The following NREP variants were observed in gnomAD, a reference collection of about 807,000 sequenced individuals.
NREP encodes neuronal regeneration-related protein.
NREP carries 5 observed loss-of-function variants against 8.6 expected under a neutral mutation model. The ratio of observed to expected loss-of-function variants is 0.58; its 90% CI spans 0.30 to 1.22. NREP has a LOEUF of 1.22. Among genes scored for constraint, NREP ranks in the 50% most tolerant of loss-of-function variants. The probability of loss-of-function intolerance (pLI) is 0.07; values close to 1 mark genes in which losing one functional copy is unlikely to be tolerated. For missense variants in NREP, 86 were observed against 82.5 expected (o/e 1.04, Z -0.17); for synonymous variants, 27 against 28.0 (o/e 0.96, Z 0.11).
intron 2 of NREP, among the ~76,000 whole-genome samples, chr5:111,854,162 T>A (rs923955342): frequency 2.6e-5 from 4 of 152,144 alleles, no homozygotes; most frequent in Admixed American, 6.6e-5. Context: ...AAGAAAAATG[T>A]AGTTTCAAAT....
At chr5:111,751,330 A>C in intron 2 of NREP, among the ~76,000 whole-genome samples, 1 of 152,208 alleles carries the variant, frequency 6.6e-6, no homozygotes, top group East Asian at 1.9e-4. Flanking sequence ...TTAATGCTTA[A>C]GTCCCAAACC....
In NREP at chr5:111,838,630, C is replaced by A. The variant is rs190639892; in HGVS notation, c.136-103123G>T. Among the ~76,000 whole-genome samples, 26 of 152,166 alleles carry A rather than the reference C, an allele frequency of 1.7e-4. No individual in the cohort carries two copies. In the East Asian group the frequency reaches 4.8e-3, roughly 28 times the overall value. Reference sequence around the variant, plus strand: ...CATCTTCTATCGGAGGGTTTCCTGTCAGCTGGCCTCCCAACAAATTTCAGA... The same window carrying A: ...CATCTTCTATCGGAGGGTTTCCTGTAAGCTGGCCTCCCAACAAATTTCAGA... On this transcript the variant is annotated intron_variant, in intron 2 of 3. Coordinates refer to the NREP transcript ENST00000395634.
intron 3 of NREP, chr5:111,732,660 TAAAAAA>T (rs34367498): frequency 3.8e-5 from 5 of 132,388 alleles, no homozygotes; most frequent in Admixed American, 7.6e-5. Flanking sequence ...TCCCAAAATT[TAAAAAA>T]AAAAAAAAAA....
chr5:111,774,952 T>A (rs186448354), intron 2 of NREP, among the ~76,000 whole-genome samples: 5 of 152,314 alleles, frequency 3.3e-5, no homozygotes, highest in Non-Finnish European at 7.4e-5. Flanking sequence ...ATAATAAATG[T>A]CCCTGGCTGC....
intron 2 of NREP, among the ~76,000 whole-genome samples, chr5:111,943,031 C>T (rs1755874863): frequency 6.6e-6 from 1 of 152,004 alleles, no homozygotes; most frequent in South Asian, 2.1e-4. Context: ...CTTTGATCTC[C>T]TATACATATG....
intron 2 of NREP, among the ~76,000 whole-genome samples, chr5:111,750,998 C>A (rs752348436): frequency 6.6e-6 from 1 of 152,108 alleles, no homozygotes; most frequent in Non-Finnish European, 1.5e-5. Flanking sequence ...GGCTTCCTAC[C>A]TCTTTTAAAA....
chr5:111,827,121 G>A (rs918735982), intron 2 of NREP, among the ~76,000 whole-genome samples: 1 of 152,136 alleles, frequency 6.6e-6, no homozygotes, highest in African/African-American at 2.4e-5. Context: ...TTAGTAGTCG[G>A]CTTTCCCATG....
chr5:111,845,326 A>T (rs1163298235), intron 2 of NREP, among the ~76,000 whole-genome samples: 1 of 150,648 alleles, frequency 6.6e-6, no homozygotes, highest in Admixed American at 6.6e-5. Context: ...ATAATCTCTC[A>T]CCTGGATTCC....
At chr5:111,869,020 G>A (rs1753728776) in intron 2 of NREP, among the ~76,000 whole-genome samples, 2 of 152,116 alleles carry the variant, frequency 1.3e-5, no homozygotes, top group South Asian at 4.2e-4. Context: ...ATTGTATTTT[G>A]GGTCTTATCA....
chr5:111,953,717 C>A (rs1756230550), intron 2 of NREP, among the ~76,000 whole-genome samples: 1 of 151,978 alleles, frequency 6.6e-6, no homozygotes, highest in Admixed American at 6.6e-5. Context: ...ACAATGAATT[C>A]TGCTTGGGAA....
intron 2 of NREP, among the ~76,000 whole-genome samples, chr5:111,952,257 T>A (rs1159246836): frequency 6.6e-6 from 1 of 152,110 alleles, no homozygotes; most frequent in African/African-American, 2.4e-5. Flanking sequence ...GTCTCTACCA[T>A]CTACACCTAA....
intron 2 of NREP, among the ~76,000 whole-genome samples, chr5:111,970,970 G>T (rs2112671216): frequency 6.6e-6 from 1 of 152,082 alleles, no homozygotes; most frequent in East Asian, 1.9e-4. Context: ...TAGGGAGCTT[G>T]TTAAAAATAT....
chr5:111,973,113 A>G (rs1032627248), intron 2 of NREP, among the ~76,000 whole-genome samples: 48 of 152,254 alleles, frequency 3.2e-4, no homozygotes, highest in African/African-American at 1.1e-3. Flanking sequence ...TCATCTTAGG[A>G]GCACAACAGG....
At chr5:111,782,592 G>T (rs1175769438) in intron 2 of NREP, among the ~76,000 whole-genome samples, 2 of 151,938 alleles carry the variant, frequency 1.3e-5, no homozygotes, top group East Asian at 3.9e-4. Context: ...AGATTCTCTG[G>T]GCATCTGATA....
At chr5:111,742,988 G>A (rs569507571) in intron 2 of NREP, among the ~76,000 whole-genome samples, 110 of 152,226 alleles carry the variant, frequency 7.2e-4, no homozygotes, top group African/African-American at 2.5e-3. Context: ...ATTAAGTTCA[G>A]CACTTCAAAT....
intron 2 of NREP, among the ~76,000 whole-genome samples, chr5:111,833,721 C>G (rs1287936004): frequency 6.6e-6 from 1 of 152,158 alleles, no homozygotes; most frequent in East Asian, 1.9e-4. Flanking sequence ...GTCCCAGCCT[C>G]TGTCAGTAAG....
chr5:111,944,182 CACCA>C (rs1241730571), intron 2 of NREP, among the ~76,000 whole-genome samples: 8 of 152,006 alleles, frequency 5.3e-5, no homozygotes, highest in Admixed American at 3.3e-4. Context: ...CATTTGAGAC[CACCA>C]ATTTTTGTTT....
upstream of NREP, chr5:111,757,777 C>A (rs1447044087): frequency 2.0e-6 from 2 of 978,906 alleles, no homozygotes; most frequent in East Asian, 2.3e-4. Context: ...CTCCCCGCCC[C>A]CGGCCAGCCT....
At chr5:111,886,687 T>C (rs1003176508) in intron 2 of NREP, among the ~76,000 whole-genome samples, 4 of 150,468 alleles carry the variant, frequency 2.7e-5, no homozygotes, top group African/African-American at 7.4e-5. Flanking sequence ...ATGGATGAAA[T>C]TGGAAATCAT....
Sources: allele counts gnomAD v4.1 joint callset (sites outside exome capture counted in the v4.1 genomes callset), GRCh38; gene constraint gnomAD v4.1.1; transcripts MANE v1.5; gene names NCBI Gene and HGNC (gene_info 2026-07-23, HGNC 2026-07-21).